VTCN1: variants seen among roughly 807,000 people sequenced by gnomAD.
VTCN1 encodes V-set domain containing T cell activation inhibitor 1.
Under a neutral mutation model 26.5 loss-of-function variants are expected in VTCN1, and 26 were observed. That is an observed-to-expected ratio of 0.98 (90% CI 0.72 to 1.36). The LOEUF is 1.36. VTCN1 is among the 40% of genes most tolerant of loss of function. The pLI, the probability that VTCN1 is intolerant of heterozygous loss-of-function variation, is 0.00. For synonymous variants in VTCN1, 116 were observed against 130.7 expected (o/e 0.89, Z 0.77); for missense variants, 298 against 337.7 (o/e 0.88, Z 0.92).
intron 1 of VTCN1, among the ~76,000 whole-genome samples, chr1:117,171,081 C>T (rs4659158): frequency 1 from 150,598 of 151,320 alleles, 74,945 homozygotes; most frequent in East Asian, 1. Context: ...TCAACTCCCA[C>T]TTATGAGTGA....
intron 1 of VTCN1, among the ~76,000 whole-genome samples, chr1:117,197,302 A>G (rs1648561207): frequency 3.3e-5 from 5 of 152,178 alleles, no homozygotes; most frequent in Admixed American, 3.3e-4. Flanking sequence ...AGAAGTAGCA[A>G]TGTTCACACC....
At chr1:117,189,287 A>G (rs1393521582) in intron 1 of VTCN1, among the ~76,000 whole-genome samples, 2 of 152,072 alleles carry the variant, frequency 1.3e-5, no homozygotes, top group Non-Finnish European at 2.9e-5. Flanking sequence ...CAGGTCCACT[A>G]TCCTCTGCCC....
rs779723899 is a variant in VTCN1 at position 117,153,377 on chromosome 1, G to C, written c.446-8C>G. The C allele has an allele frequency of 6.3e-7, 1 of 1,594,986 alleles. No individual in the cohort carries two copies. Among genetic ancestry groups the C allele is most frequent in the East Asian group, 2.3e-5 (1 of 44,440 alleles). On this transcript the variant is annotated splice_polypyrimidine_tract_variant and splice_region_variant and intron_variant, in intron 3 of 5. Transcript: ENST00000369458. Reference sequence around the variant, plus strand: ...CTTCCGGCATGCTGAAGGCTGCAGGGTCAAAAGTCAGAAAGGGCAGATGCC... The same window carrying C: ...CTTCCGGCATGCTGAAGGCTGCAGGCTCAAAAGTCAGAAAGGGCAGATGCC...
intron 1 of VTCN1, among the ~76,000 whole-genome samples, chr1:117,178,953 A>G (rs998653747): frequency 2.0e-5 from 3 of 152,156 alleles, no homozygotes; most frequent in Admixed American, 2.0e-4. Flanking sequence ...TAGCAGAAAC[A>G]CATGAAAGGA....
intron 1 of VTCN1, among the ~76,000 whole-genome samples, chr1:117,172,048 C>T (rs1333480411): frequency 6.6e-6 from 1 of 152,214 alleles, no homozygotes; most frequent in Non-Finnish European, 1.5e-5. Flanking sequence ...CTGGCGCATA[C>T]ATCATCGGTC....
intron 1 of VTCN1, among the ~76,000 whole-genome samples, chr1:117,193,563 T>C (rs1374506074): frequency 2.4e-5 from 2 of 82,738 alleles, no homozygotes; most frequent in African/African-American, 8.7e-5. Context: ...ATTGTAAATA[T>C]ATCTATGCAT....
At chr1:117,151,200 C>CTTT (rs796226289) in intron 4 of VTCN1, among the ~76,000 whole-genome samples, 2 of 135,848 alleles carry the variant, frequency 1.5e-5, no homozygotes, top group South Asian at 2.4e-4. Flanking sequence ...TGTTACAGTT[C>CTTT]TTTTTTTTTT....
At chr1:117,198,439 C>T (rs1432965927) in intron 1 of VTCN1, among the ~76,000 whole-genome samples, 2 of 152,210 alleles carry the variant, frequency 1.3e-5, no homozygotes, top group Non-Finnish European at 2.9e-5. Flanking sequence ...GGGATTTAGT[C>T]CTGGCCGGCC....
intron 1 of VTCN1, among the ~76,000 whole-genome samples, chr1:117,193,034 T>A (rs1648322502): frequency 6.6e-6 from 1 of 152,140 alleles, no homozygotes; most frequent in African/African-American, 2.4e-5. Flanking sequence ...CAATACAGCA[T>A]AACAACTATT....
chr1:117,153,496 C>G lies in VTCN1; in HGVS notation c.446-127G>C. 3 of 1,066,078 alleles carry G rather than the reference C, an allele frequency of 2.8e-6. No individual in the cohort carries two copies. The South Asian group carries it at 5.3e-5, about 19-fold the overall frequency. 66.0% of individuals were successfully genotyped at this position (1,066,078 alleles called of 1,614,324 possible). ...TTTTTTTTTTATCATTGAAGCCACTCAGTACTTCCTCAGAGGTCCACCTGT... is the reference window on the plus strand; with the variant it reads ...TTTTTTTTTTATCATTGAAGCCACTGAGTACTTCCTCAGAGGTCCACCTGT... On this transcript the variant is annotated intron_variant, in intron 3 of 5. Transcript: ENST00000369458.
intron 1 of VTCN1, among the ~76,000 whole-genome samples, chr1:117,176,785 A>T (rs1429567689): frequency 6.6e-6 from 1 of 152,222 alleles, no homozygotes; most frequent in African/African-American, 2.4e-5. Context: ...AATTAAAGAC[A>T]TTTACTTCAG....
intron 3 of VTCN1, among the ~76,000 whole-genome samples, chr1:117,153,676 G>A (rs1357241838): frequency 6.6e-6 from 1 of 152,010 alleles, no homozygotes. Flanking sequence ...GAACTTCAGT[G>A]GTCATAAAAA....
At chr1:117,164,376 G>A (rs1053069972) in intron 2 of VTCN1, among the ~76,000 whole-genome samples, 3 of 152,012 alleles carry the variant, frequency 2.0e-5, no homozygotes, top group Admixed American at 6.6e-5. Context: ...TTGCGGGGGC[G>A]ATACGGGACA....
intron 2 of VTCN1, among the ~76,000 whole-genome samples, chr1:117,163,003 C>T (rs1400281929): frequency 6.6e-6 from 1 of 152,214 alleles, no homozygotes; most frequent in Non-Finnish European, 1.5e-5. Context: ...CAGATGGTCA[C>T]CAGCATCTGC....
At position 117,170,189 on chromosome 1, in the gene VTCN1, GA is replaced by G; in HGVS notation, c.33-19del. 1 of 1,611,708 alleles carries G rather than the reference GA, an allele frequency of 6.2e-7. No homozygotes were observed. Among genetic ancestry groups the G allele is most frequent in the Non-Finnish European group, 8.5e-7 (1 of 1,178,668 alleles). ...TAATTATGCTACGGGAAGAGAGAGA[GA>G]AACAGAAAATTAGTTCTCCATTCCT... On this transcript the variant is annotated intron_variant, in intron 1 of 5. Coordinates refer to ENST00000369458, the MANE Select transcript of VTCN1 (RefSeq NM_024626.4).
intron 4 of VTCN1, among the ~76,000 whole-genome samples, chr1:117,150,011 G>C (rs1442356665): frequency 6.6e-6 from 1 of 152,218 alleles, no homozygotes; most frequent in Non-Finnish European, 1.5e-5. Context: ...TCTATGTCTT[G>C]TTCAGTTGTG....
At chr1:117,162,740 G>A (rs1652427256) in intron 2 of VTCN1, among the ~76,000 whole-genome samples, 3 of 152,130 alleles carry the variant, frequency 2.0e-5, no homozygotes, top group African/African-American at 4.8e-5. Flanking sequence ...TTAAAGCAGG[G>A]GCAAGACGAA....
At chr1:117,150,413 C>T (rs1651726306) in intron 4 of VTCN1, among the ~76,000 whole-genome samples, 1 of 152,152 alleles carries the variant, frequency 6.6e-6, no homozygotes, top group South Asian at 2.1e-4. Context: ...TCCAGTTGAT[C>T]CTGAAGTCAA....
At chr1:117,188,239 G>A (rs1413577017) in intron 1 of VTCN1, among the ~76,000 whole-genome samples, 1 of 152,198 alleles carries the variant, frequency 6.6e-6, no homozygotes, top group Non-Finnish European at 1.5e-5. Context: ...GAAGGAGAGA[G>A]ACGGACAGAC....
Sources: gnomAD v4.1 joint callset for allele counts (sites outside exome capture counted in the v4.1 genomes callset) on GRCh38, gnomAD v4.1.1 for gene constraint, MANE v1.5 for transcripts, NCBI Gene and HGNC (gene_info 2026-07-23, HGNC 2026-07-21) for gene names.